HSDL2: variants seen among roughly 807,000 people sequenced by gnomAD.
HSDL2 encodes hydroxysteroid dehydrogenase-like protein 2.
In HSDL2, 27 loss-of-function variants were observed where a neutral mutation model predicts 46.3. The observed-to-expected ratio is 0.58, with a 90% confidence interval of 0.43 to 0.80. HSDL2 has a LOEUF of 0.80. Among genes scored for constraint, HSDL2 ranks in the 30% least tolerant of loss-of-function variants. The probability of loss-of-function intolerance (pLI) is 0.00; values close to 1 mark genes in which losing one functional copy is unlikely to be tolerated. For synonymous variants in HSDL2, 153 were observed against 163.6 expected, an observed-to-expected ratio of 0.94 and a Z score of 0.50; for missense variants, 451 against 502.7, an observed-to-expected ratio of 0.90 and a Z score of 0.98.
chr9:112,444,019 C>T (rs1198079617), intron 8 of HSDL2, among the ~76,000 whole-genome samples: 1 of 152,188 alleles, frequency 6.6e-6, no homozygotes, highest in Non-Finnish European at 1.5e-5. Flanking sequence ...ATGCTCTTAC[C>T]CTTAAGGTTA....
intron 10 of HSDL2, among the ~76,000 whole-genome samples, chr9:112,467,341 A>G (rs537273746): frequency 1.5e-3 from 225 of 152,310 alleles, no homozygotes; most frequent in Middle Eastern, 3.4e-3. Context: ...CTTTTATATT[A>G]AATATCTAGA....
intron 3 of HSDL2, among the ~76,000 whole-genome samples, chr9:112,406,766 C>T (rs960079958): frequency 1.2e-4 from 18 of 152,224 alleles, no homozygotes; most frequent in African/African-American, 4.3e-4. Context: ...CCGTGCCCGG[C>T]CTCTCTGATT....
chr9:112,435,964 C>G (rs1832514879), intron 6 of HSDL2, among the ~76,000 whole-genome samples: 1 of 151,644 alleles, frequency 6.6e-6, no homozygotes, highest in Non-Finnish European at 1.5e-5. Flanking sequence ...TGCTCTTGAT[C>G]TGTTGGTTAA....
At chr9:112,452,009 C>T (rs549008593) in intron 8 of HSDL2, among the ~76,000 whole-genome samples, 1 of 152,226 alleles carries the variant, frequency 6.6e-6, no homozygotes, top group East Asian at 1.9e-4. Context: ...ATGCTAAGTG[C>T]AAGGCAGAAG....
At position 112,472,284 on chromosome 9, in the gene HSDL2, C is replaced by T. The variant is rs185050846; in HGVS notation, c.*1740C>T. 1 of 152,222 alleles carries T rather than the reference C, an allele frequency of 6.6e-6. No individual in the cohort carries two copies. The highest frequency in any genetic ancestry group is 1.5e-5 in the Non-Finnish European group (1 of 68,058). The allele number at this position is 152,222 out of a possible 1,614,324, so 9.4% of individuals were successfully genotyped here. The stretch of plus-strand genomic sequence containing the variant: ...GTGTCTACTATGCTGTTTCCTTGTT[C>T]CTGCTAGTGCTGCTTTACAAATGCA... On this transcript the variant is annotated 3_prime_UTR_variant, in exon 11 of 11. Coordinates refer to ENST00000398805, the MANE Select transcript of HSDL2 (RefSeq NM_032303.5).
chr9:112,463,962 C>T (rs970523549), intron 10 of HSDL2, among the ~76,000 whole-genome samples: 7 of 151,984 alleles, frequency 4.6e-5, no homozygotes, highest in Admixed American at 2.0e-4. Context: ...TGCCCAGCCT[C>T]GTGTGGTTTT....
intron 8 of HSDL2, among the ~76,000 whole-genome samples, chr9:112,448,227 TATAATA>T (rs1377615681): frequency 2.6e-5 from 4 of 152,350 alleles, no homozygotes; most frequent in African/African-American, 9.6e-5. Context: ...CTTGTCTGCA[TATAATA>T]ATGTCTTTCA....
chr9:112,459,121 C>T (rs546480747), intron 9 of HSDL2, among the ~76,000 whole-genome samples: 1 of 152,236 alleles, frequency 6.6e-6, no homozygotes. Context: ...CATTCCCCAT[C>T]CCCCAGTCCC....
chr9:112,413,200 C>G (rs1831916076), intron 4 of HSDL2, among the ~76,000 whole-genome samples: 1 of 151,668 alleles, frequency 6.6e-6, no homozygotes, highest in Non-Finnish European at 1.5e-5. Context: ...CTATTTTGGC[C>G]AGGTGTGGTG....
chr9:112,436,977 TG>T (rs59553276), intron 6 of HSDL2, among the ~76,000 whole-genome samples: 2,348 of 148,896 alleles, frequency 0.016, 90 homozygotes, highest in African/African-American at 0.055. Flanking sequence ...TTTTTTTTTT[TG>T]AGACGGAGTC....
intron 6 of HSDL2, among the ~76,000 whole-genome samples, chr9:112,436,692 GTAAA>G (rs996628150): frequency 1.1e-4 from 17 of 152,036 alleles, no homozygotes; most frequent in African/African-American, 2.2e-4. Context: ...ATGTTGGAAA[GTAAA>G]TAAATAAATA....
intron 1 of HSDL2, among the ~76,000 whole-genome samples, chr9:112,403,488 C>T (rs1406333642): frequency 6.6e-6 from 1 of 152,302 alleles, no homozygotes; most frequent in South Asian, 2.1e-4. Flanking sequence ...AGCTGATGGA[C>T]GTTTGAGTTG....
intron 1 of HSDL2, among the ~76,000 whole-genome samples, chr9:112,396,881 G>C (rs1304668811): frequency 6.6e-6 from 1 of 152,144 alleles, no homozygotes; most frequent in African/African-American, 2.4e-5. Context: ...GTGTGTGCTG[G>C]GGGCTGTGTT....
intron 6 of HSDL2, among the ~76,000 whole-genome samples, chr9:112,435,359 A>G (rs1315343567): frequency 6.6e-6 from 1 of 152,160 alleles, no homozygotes; most frequent in East Asian, 1.9e-4. Flanking sequence ...ATGTATGCAT[A>G]TAGTCTCAAA....
At chr9:112,453,324 TGAGA>T (rs1564130628) in intron 8 of HSDL2, among the ~76,000 whole-genome samples, 1 of 152,220 alleles carries the variant, frequency 6.6e-6, no homozygotes, top group Non-Finnish European at 1.5e-5. Context: ...GTTTTAGAAC[TGAGA>T]GAAATTGACA....
chr9:112,380,185 G>A lies in HSDL2; in HGVS notation c.17+5G>A, dbSNP rs1282531175. On this transcript the variant is annotated splice_donor_5th_base_variant and intron_variant, in intron 1 of 10. Coordinates refer to ENST00000398805, the MANE Select transcript of HSDL2 (RefSeq NM_032303.5). ...AGTCATGTTACCCAACACCGGGTAA[G>A]GGGGTAGGGGCGGCGCGGGGAGAGA... 1.9e-6 allele frequency: 3 copies of A among 1,569,172 alleles called. No individual in the cohort carries two copies. Among genetic ancestry groups the A allele is most frequent in the African/African-American group, 2.7e-5 (2 of 73,354 alleles).
chr9:112,453,519 A>G (rs1232375954), intron 8 of HSDL2, among the ~76,000 whole-genome samples: 1 of 152,084 alleles, frequency 6.6e-6, no homozygotes, highest in Admixed American at 6.5e-5. Flanking sequence ...CAGCCTCCCA[A>G]GTAGCTGGGA....
chr9:112,386,669 A>C (rs575994744), intron 1 of HSDL2, among the ~76,000 whole-genome samples: 1 of 151,484 alleles, frequency 6.6e-6, no homozygotes, highest in Non-Finnish European at 1.5e-5. Context: ...CCGTGATCCT[A>C]GCTATTCAGG....
intron 6 of HSDL2, among the ~76,000 whole-genome samples, chr9:112,423,817 G>A (rs1157041452): frequency 6.6e-6 from 1 of 151,866 alleles, no homozygotes; most frequent in African/African-American, 2.4e-5. Context: ...AGGCTCAAGC[G>A]ATTCTTGTGC....
Sources: gnomAD v4.1 joint callset for allele counts (sites outside exome capture counted in the v4.1 genomes callset) on GRCh38, gnomAD v4.1.1 for gene constraint, MANE v1.5 for transcripts, NCBI Gene and HGNC (gene_info 2026-07-23, HGNC 2026-07-21) for gene names.